Variants in LRMDA observed in about 807,000 individuals in gnomAD.
LRMDA encodes leucine-rich melanocyte differentiation-associated protein.
Under a neutral mutation model 29.8 loss-of-function variants are expected in LRMDA, and 18 were observed. The ratio of observed to expected loss-of-function variants is 0.60; its 90% confidence interval spans 0.42 to 0.90. LRMDA has a LOEUF of 0.90. Among genes scored for constraint, LRMDA ranks in the 40% least tolerant of loss-of-function variants. The pLI is 0.00. For synonymous variants in LRMDA, 125 were observed against 109.4 expected, an observed-to-expected ratio of 1.14 and a Z score of -0.89; for missense variants, 273 against 273.9, an observed-to-expected ratio of 1.00 and a Z score of 0.02.
intron 2 of LRMDA, among the ~76,000 whole-genome samples, chr10:75,975,445 C>G (rs552418010): frequency 6.6e-6 from 1 of 152,352 alleles, no homozygotes; most frequent in Admixed American, 6.5e-5. Flanking sequence ...GGAATCGTCT[C>G]TGTGGAGTGA....
At chr10:76,200,944 T>C (rs185566134) in intron 5 of LRMDA, among the ~76,000 whole-genome samples, 4,644 of 151,704 alleles carry the variant, frequency 0.031, 99 homozygotes, top group Non-Finnish European at 0.048. Flanking sequence ...CTCAAATTCC[T>C]GACCTCAGGT....
At chr10:76,476,234 C>T (rs142907341) in intron 6 of LRMDA, among the ~76,000 whole-genome samples, 4,280 of 152,190 alleles carry the variant, frequency 0.028, 153 homozygotes, top group African/African-American at 0.076. Context: ...ACCGATCCCA[C>T]AGAAATACAA....
At chr10:76,351,289 G>A (rs1203302906) in intron 6 of LRMDA, among the ~76,000 whole-genome samples, 1 of 152,164 alleles carries the variant, frequency 6.6e-6, no homozygotes, top group African/African-American at 2.4e-5. Flanking sequence ...ATTTCAGGGA[G>A]AATATTCGAA....
At chr10:76,169,022 A>C (rs1850788940) in intron 5 of LRMDA, among the ~76,000 whole-genome samples, 1 of 152,218 alleles carries the variant, frequency 6.6e-6, no homozygotes, top group African/African-American at 2.4e-5. Context: ...TAGGAGGGAA[A>C]AAGATAATAT....
intron 2 of LRMDA, among the ~76,000 whole-genome samples, chr10:75,771,792 G>A (rs565146253): frequency 3.3e-5 from 5 of 152,114 alleles, no homozygotes; most frequent in Non-Finnish European, 5.9e-5. Flanking sequence ...GTGAAGAAGG[G>A]TGTGGCACAG....
intron 2 of LRMDA, among the ~76,000 whole-genome samples, chr10:75,616,022 A>G (rs1274196551): frequency 6.6e-6 from 1 of 152,242 alleles, no homozygotes; most frequent in Admixed American, 6.5e-5. Flanking sequence ...AAGAAATACC[A>G]GAGACTGTTT....
At chr10:75,996,197 G>A (rs569555623) in intron 2 of LRMDA, among the ~76,000 whole-genome samples, 2 of 152,280 alleles carry the variant, frequency 1.3e-5, no homozygotes, top group Admixed American at 6.5e-5. Flanking sequence ...TAATTTGTTT[G>A]TTGAGGCCTA....
At chr10:76,055,541 T>C (rs1848599984) in intron 4 of LRMDA, among the ~76,000 whole-genome samples, 1 of 152,208 alleles carries the variant, frequency 6.6e-6, no homozygotes, top group Admixed American at 6.5e-5. Context: ...CTGAGCTTGT[T>C]CCACCTACTC....
chr10:76,228,740 T>A (rs973191716), intron 5 of LRMDA, among the ~76,000 whole-genome samples: 5 of 152,118 alleles, frequency 3.3e-5, no homozygotes, highest in African/African-American at 1.2e-4. Flanking sequence ...CAGGAGTAAT[T>A]GGGGACATTG....
chr10:75,933,663 T>C (rs1415626269), intron 2 of LRMDA, among the ~76,000 whole-genome samples: 2 of 152,134 alleles, frequency 1.3e-5, no homozygotes, highest in East Asian at 3.9e-4. Flanking sequence ...TACCACCTCG[T>C]AGAAATAGCT....
At chr10:76,021,173 T>C (rs2132491271) in intron 2 of LRMDA, among the ~76,000 whole-genome samples, 1 of 152,330 alleles carries the variant, frequency 6.6e-6, no homozygotes, top group South Asian at 2.1e-4. Context: ...AGTGTTCAAA[T>C]AGAAGTCCTT....
intron 2 of LRMDA, among the ~76,000 whole-genome samples, chr10:75,876,021 G>A (rs1845191730): frequency 2.0e-5 from 3 of 152,092 alleles, no homozygotes; most frequent in African/African-American, 7.2e-5. Flanking sequence ...CTGGTGGTAG[G>A]ACATGAGGCC....
In LRMDA at chr10:75,641,733, C is replaced by T. The variant is rs140955598; in HGVS notation, c.131+203239C>T. On this transcript the variant is annotated intron_variant, in intron 2 of 6. Transcript: ENST00000611255. ...CAGATTACAGGTGTGAGCCAAAAAG[C>T]CCTTGCCGTGATTTAGATAGATTTG... Among the ~76,000 whole-genome samples the T allele has an allele frequency of 4.1e-4, 62 of 152,112 alleles. No homozygotes were observed. The East Asian group carries it at 0.011, about 27-fold the overall frequency.
At chr10:76,111,749 A>C (rs1445575555) in intron 5 of LRMDA, among the ~76,000 whole-genome samples, 1 of 151,966 alleles carries the variant, frequency 6.6e-6, no homozygotes, top group East Asian at 1.9e-4. Flanking sequence ...TAAACCTCCA[A>C]CCATGCTTCA....
At chr10:76,526,446 T>C (rs1026320995) in intron 6 of LRMDA, among the ~76,000 whole-genome samples, 1 of 152,164 alleles carries the variant, frequency 6.6e-6, no homozygotes, top group African/African-American at 2.4e-5. Context: ...CTTTCCCTTA[T>C]GAGGCATTCG....
intron 2 of LRMDA, among the ~76,000 whole-genome samples, chr10:75,762,304 T>G (rs1329973872): frequency 1.3e-5 from 2 of 152,262 alleles, no homozygotes; most frequent in African/African-American, 2.4e-5. Flanking sequence ...CCAGGATGGC[T>G]TTGAATGCGA....
intron 2 of LRMDA, among the ~76,000 whole-genome samples, chr10:75,528,435 G>A (rs1187616623): frequency 6.6e-6 from 1 of 152,212 alleles, no homozygotes; most frequent in Non-Finnish European, 1.5e-5. Flanking sequence ...CATACACATA[G>A]TGGATTTTGG....
At chr10:75,877,959 G>A (rs1845227833) in intron 2 of LRMDA, among the ~76,000 whole-genome samples, 1 of 152,178 alleles carries the variant, frequency 6.6e-6, no homozygotes, top group African/African-American at 2.4e-5. Flanking sequence ...ATGCAACAGG[G>A]GTGTGGCTCG....
intron 6 of LRMDA, among the ~76,000 whole-genome samples, chr10:76,476,512 T>C (rs1014553989): frequency 2.6e-5 from 4 of 152,124 alleles, no homozygotes; most frequent in African/African-American, 9.6e-5. Flanking sequence ...ACTATTCCAA[T>C]CAATAGAAAA....
Sources: allele counts gnomAD v4.1 joint callset (sites outside exome capture counted in the v4.1 genomes callset), GRCh38; gene constraint gnomAD v4.1.1; transcripts MANE v1.5; gene names NCBI Gene and HGNC (gene_info 2026-07-23, HGNC 2026-07-21).